PRKCQ: variants seen among roughly 807,000 people sequenced by gnomAD.
PRKCQ encodes protein kinase C theta type.
Under a neutral mutation model 91.2 loss-of-function variants are expected in PRKCQ, and 41 were observed. The observed-to-expected ratio is 0.45, with a 90% CI of 0.35 to 0.58. PRKCQ has a LOEUF of 0.58. PRKCQ is among the 20% of genes least tolerant of loss of function. The probability of loss-of-function intolerance (pLI) is 0.00; values close to 1 mark genes in which losing one functional copy is unlikely to be tolerated. For synonymous variants in PRKCQ, 307 were observed against 316.9 expected (o/e 0.97, Z 0.33); for missense variants, 673 against 896.5 (o/e 0.75, Z 3.18).
intron 15 of PRKCQ, among the ~76,000 whole-genome samples, chr10:6,448,720 T>G (rs1016719713): frequency 6.6e-6 from 1 of 152,140 alleles, no homozygotes; most frequent in Non-Finnish European, 1.5e-5. Context: ...ACCAAGATTT[T>G]TAAAAAGTCA....
intron 12 of PRKCQ, among the ~76,000 whole-genome samples, chr10:6,476,282 G>C (rs759725336): frequency 5.9e-5 from 8 of 135,510 alleles, no homozygotes; most frequent in African/African-American, 2.3e-4. Flanking sequence ...AGCCTTCCCC[G>C]TAAGACATGA....
At chr10:6,488,004 C>CAA (rs774276182) in intron 8 of PRKCQ, among the ~76,000 whole-genome samples, 1,290 of 112,942 alleles carry the variant, frequency 0.011, 18 homozygotes, top group African/African-American at 0.035. Context: ...GACTGTGTCT[C>CAA]AAAAAAAAAA....
intron 14 of PRKCQ, among the ~76,000 whole-genome samples, chr10:6,459,423 A>G (rs1339414749): frequency 6.6e-6 from 1 of 152,170 alleles, no homozygotes; most frequent in East Asian, 1.9e-4. Context: ...AGACCTGCAC[A>G]TCCAGAGCAC....
chr10:6,498,561 A>T lies in PRKCQ; in HGVS notation c.380-3T>A. On this transcript the variant is annotated splice_region_variant and splice_polypyrimidine_tract_variant and intron_variant, in intron 4 of 17. Transcript: ENST00000263125. ...AAATTCATTCATGTCCTTTGTGTCT[A>T]CAGGAAGAGAGAGGGGAAGAAAGTG... The T allele has an allele frequency of 1.9e-6, 3 of 1,613,728 alleles. No homozygotes were observed. The highest frequency in any genetic ancestry group is 2.5e-6 in the Non-Finnish European group (3 of 1,179,734).
chr10:6,463,864 G>A (rs569683819), intron 13 of PRKCQ, among the ~76,000 whole-genome samples: 9 of 152,208 alleles, frequency 5.9e-5, no homozygotes, highest in South Asian at 2.1e-4. Context: ...TCAGGCTGCC[G>A]GCACTAGGAA....
chr10:6,550,790 G>A (rs1840154132), intron 1 of PRKCQ, among the ~76,000 whole-genome samples: 1 of 152,198 alleles, frequency 6.6e-6, no homozygotes, highest in Non-Finnish European at 1.5e-5. Flanking sequence ...CCACCGTACT[G>A]ATTCCCATAG....
intron 1 of PRKCQ, among the ~76,000 whole-genome samples, chr10:6,517,588 CTTTTTTTTTTTTTTT>C (rs56306878): frequency 1.0e-4 from 5 of 49,492 alleles, no homozygotes; most frequent in South Asian, 1.2e-3. Context: ...AAGATAGCAT[CTTTTTTTTTTTTTTT>C]TTTTTTTTTT....
chr10:6,497,355 G>C lies in PRKCQ; in HGVS notation c.543-104C>G. 1 of 1,351,094 alleles carries C rather than the reference G, an allele frequency of 7.4e-7. No homozygotes were observed. The highest frequency in any genetic ancestry group is 1.1e-6 in the Non-Finnish European group (1 of 944,920). The allele number at this position is 1,351,094 out of a possible 1,614,324, so 83.7% of individuals were successfully genotyped here. A position where few individuals can be genotyped will look rare whatever the true frequency, so the allele number is the denominator to read the frequency against. ...TCTCATAACCCCCTAAGATCACAGA[G>C]CAGTTTCTGATCAGCAGCCCTGTTG... is the stretch of plus-strand genomic sequence containing the variant. On this transcript the variant is annotated intron_variant, in intron 5 of 17. Coordinates refer to ENST00000263125, the MANE Select transcript of PRKCQ (RefSeq NM_006257.5). This position sits in a 1 kb window ranked among gnomAD's most constrained non-coding sequence, Gnocchi z 4.5.
At chr10:6,537,928 C>T (rs1839645362) in intron 1 of PRKCQ, among the ~76,000 whole-genome samples, 1 of 152,186 alleles carries the variant, frequency 6.6e-6, no homozygotes, top group African/African-American at 2.4e-5. Flanking sequence ...TGCAGTTTAG[C>T]GCTTCCTCAC....
the PRKCQ span, among the ~76,000 whole-genome samples, chr10:6,409,077 T>C: frequency 6.6e-6 from 1 of 152,160 alleles, no homozygotes; most frequent in Non-Finnish European, 1.5e-5. Flanking sequence ...TATATACTGG[T>C]TTTTCATTTT....
chr10:6,463,376 G>A (rs1403426477), intron 13 of PRKCQ, among the ~76,000 whole-genome samples: 1 of 152,202 alleles, frequency 6.6e-6, no homozygotes, highest in Admixed American at 6.5e-5. Context: ...GATGGATAGC[G>A]TGGGTCCGGG....
At chr10:6,471,615 T>C (rs1445175317) in intron 12 of PRKCQ, among the ~76,000 whole-genome samples, 1 of 152,120 alleles carries the variant, frequency 6.6e-6, no homozygotes, top group Non-Finnish European at 1.5e-5. Flanking sequence ...CTGGGCGCAG[T>C]GGCGCACGCT....
chr10:6,479,304 C>G, intron 11 of PRKCQ, 139 bp from the exon 12 acceptor site: 2 of 894,890 alleles, frequency 2.2e-6, no homozygotes, highest in Admixed American at 5.7e-5. Context: ...CTGCATAGGC[C>G]ATTCCTGAGA....
In PRKCQ at chr10:6,510,844, G is replaced by A. The variant is rs574777536; in HGVS notation, c.318+151C>T. ...CTACAGCCCATAAAGAATAACCATC[G>A]CCATTATCAAATCACCAGTAGGAAG... On this transcript the variant is annotated intron_variant, in intron 3 of 17. Coordinates refer to ENST00000263125, the MANE Select transcript of PRKCQ (RefSeq NM_006257.5). 2.7e-4 allele frequency: 207 copies of A among 753,724 alleles called. 1 individual carries two copies. Among genetic ancestry groups the A allele is most frequent in the Admixed American group, 9.3e-5 (4 of 43,096 alleles). The allele number at this position is 753,724 out of a possible 1,614,324, so 46.7% of individuals were successfully genotyped here. A position where few individuals can be genotyped will look rare whatever the true frequency, so the allele number is the denominator to read the frequency against.
intron 12 of PRKCQ, 117 bp downstream of exon 12, chr10:6,478,875 C>T (rs982761221): frequency 3.4e-5 from 42 of 1,220,738 alleles, no homozygotes; most frequent in Non-Finnish European, 4.4e-5. Flanking sequence ...GCAGGTACAC[C>T]GAAATGTAAG....
At chr10:6,450,270 C>T (rs1418295766) in intron 15 of PRKCQ, among the ~76,000 whole-genome samples, 1 of 149,482 alleles carries the variant, frequency 6.7e-6, no homozygotes. Flanking sequence ...CAAAAAAAGG[C>T]AGGGGTTGCA....
intron 14 of PRKCQ, among the ~76,000 whole-genome samples, chr10:6,460,693 G>A (rs1835275256): frequency 6.6e-6 from 1 of 152,086 alleles, no homozygotes; most frequent in African/African-American, 2.4e-5. Flanking sequence ...GATTTGTCAT[G>A]TCGGCCAGGC....
chr10:6,433,658 G>A (rs910773230), intron 16 of PRKCQ, among the ~76,000 whole-genome samples: 3 of 152,056 alleles, frequency 2.0e-5, no homozygotes, highest in African/African-American at 7.2e-5. Flanking sequence ...CATAGGTAAC[G>A]AAATGACACC....
chr10:6,541,824 C>A (rs1839785453), intron 1 of PRKCQ, among the ~76,000 whole-genome samples: 1 of 152,152 alleles, frequency 6.6e-6, no homozygotes, highest in Non-Finnish European at 1.5e-5. Flanking sequence ...ATTAAAGCCA[C>A]CTCCAAGCCT....
Sources: allele counts gnomAD v4.1 joint callset (sites outside exome capture counted in the v4.1 genomes callset), GRCh38; gene constraint gnomAD v4.1.1; non-coding constraint Gnocchi (gnomAD v3.1); transcripts MANE v1.5; gene names NCBI Gene and HGNC (gene_info 2026-07-23, HGNC 2026-07-21).